The following PRIM1 variants were observed in gnomAD, a reference collection of about 807,000 sequenced individuals.
PRIM1 encodes the protein DNA primase small subunit.
A neutral mutation model predicts 60.2 loss-of-function variants in PRIM1; 38 were observed. The observed-to-expected ratio is 0.63, with a 90% CI of 0.49 to 0.83. The LOEUF (loss-of-function observed/expected upper bound fraction) is 0.83, where lower values mean the gene tolerates loss of function less well. Among genes scored for constraint, PRIM1 ranks in the 40% least tolerant of loss-of-function variants. PRIM1 has a pLI of 0.00. For synonymous variants in PRIM1, 158 were observed against 160.2 expected (o/e 0.99, Z 0.10); for missense variants, 388 against 506.2 (o/e 0.77, Z 2.24).
chr12:56,749,991 T>C (rs571378469), intron 2 of PRIM1, among the ~76,000 whole-genome samples: 7 of 152,246 alleles, frequency 4.6e-5, no homozygotes, highest in Admixed American at 4.6e-4. Flanking sequence ...CAGGTTTTAG[T>C]AGACCTCACT....
chr12:56,744,039 A>C, intron 6 of PRIM1, 26 bp downstream of exon 6: 1 of 1,517,578 alleles, frequency 6.6e-7, no homozygotes, highest in Non-Finnish European at 9.0e-7. Flanking sequence ...GACACCTTAA[A>C]GTGCTTGGAG....
At chr12:56,732,564 T>TAAGCCCAAAACC (rs1430479066) in intron 12 of PRIM1, among the ~76,000 whole-genome samples, 1 of 152,154 alleles carries the variant, frequency 6.6e-6, no homozygotes, top group Non-Finnish European at 1.5e-5. Flanking sequence ...AGCTTCCTAT[T>TAAGCCCAAAACC]AAGCCCAAAA....
At chr12:56,747,333 G>A (rs139600859) in intron 2 of PRIM1, among the ~76,000 whole-genome samples, 3 of 152,244 alleles carry the variant, frequency 2.0e-5, no homozygotes, top group Admixed American at 2.0e-4. Flanking sequence ...TACAAATAAT[G>A]GCCTATTGCA....
intron 6 of PRIM1, chr12:56,743,692 G>C (rs1391639594): frequency 5.6e-6 from 1 of 178,370 alleles, no homozygotes; most frequent in Admixed American, 5.9e-5. Flanking sequence ...CACTATCCTA[G>C]AGAAGTAGTG....
intron 2 of PRIM1, among the ~76,000 whole-genome samples, chr12:56,748,082 A>C (rs1953921016): frequency 6.6e-6 from 1 of 152,228 alleles, no homozygotes; most frequent in Non-Finnish European, 1.5e-5. Flanking sequence ...CTTAGCTTGC[A>C]GAGCTAGGTG....
intron 11 of PRIM1, among the ~76,000 whole-genome samples, chr12:56,734,778 T>TATATATATATATATATATA (rs1555228415): frequency 6.4e-5 from 9 of 140,286 alleles, no homozygotes; most frequent in African/African-American, 2.1e-4. Flanking sequence ...TCTTTTATAT[T>TATATATATATATATATATA]TATATATATA....
At chr12:56,751,274 G>GTT in intron 1 of PRIM1, 79 bp from the exon 2 acceptor site, 59 of 998,032 alleles carry the variant, frequency 5.9e-5, no homozygotes, top group South Asian at 1.2e-4. Flanking sequence ...CCAATGAGAA[G>GTT]TTTTTTTTTT....
rs201276969 is a variant in PRIM1 at position 56,746,945 on chromosome 12, C to A, written c.349G>T (p.Asp117Tyr). 2 of 1,613,758 alleles carry A rather than the reference C, an allele frequency of 1.2e-6. No homozygotes were observed. The highest frequency in any genetic ancestry group is 1.7e-6 in the Non-Finnish European group (2 of 1,179,720). ...GCTCACCTACAACATCTCCTCACAT[C>A]GTCATAGTCTGTCATGTCAATGTCA... ...VFDIDMTDYD[D>Y]VRRCCSSADI... The change falls in exon 3 of 13, where the codon GAT (aspartate) becomes TAT (tyrosine). Residue 117 changes from aspartate (D) to tyrosine (Y), a missense_variant. Physicochemically the swap from Asp to Tyr is radical, Grantham distance 160 (BLOSUM62 -3). Around this residue, in one of 3 missense-constraint regions of PRIM1, gnomAD observed 156 missense variants for 175.8 expected, o/e 0.89. Transcript: ENST00000338193.
chr12:56,751,404 C>A, intron 1 of PRIM1: 1 of 356,708 alleles, frequency 2.8e-6, no homozygotes, highest in Non-Finnish European at 5.1e-6. Context: ...CTCAGCCTCC[C>A]GAGGCTGTAG....
chr12:56,751,360 AC>A (rs903766212), intron 1 of PRIM1, 165 bp from the exon 2 acceptor site: 14 of 453,138 alleles, frequency 3.1e-5, no homozygotes, highest in Non-Finnish European at 4.2e-5. Context: ...GCTCACTGCA[AC>A]CTCCGCCTCC....
intron 2 of PRIM1, 40 bp downstream of exon 2, chr12:56,750,998 A>C (rs1195057033): frequency 7.6e-7 from 1 of 1,320,676 alleles, no homozygotes; most frequent in Non-Finnish European, 9.9e-7. Flanking sequence ...CTTGGTTTAC[A>C]AAATAAAACA....
At position 56,750,667 on chromosome 12, in the gene PRIM1, G is replaced by T. The variant is rs571735617; in HGVS notation, c.261+371C>A. ...TGCAATGGCGCGATCTTGGCTCACT[G>T]CAACCTCCACCTCCCGGGTTCAAGC... On this transcript the variant is annotated intron_variant, in intron 2 of 12. Coordinates refer to ENST00000338193, the MANE Select transcript of PRIM1 (RefSeq NM_000946.3). Among the ~76,000 whole-genome samples the T allele has an allele frequency of 4.0e-5, 6 of 149,402 alleles. No homozygotes were observed. In the East Asian group the frequency reaches 1.2e-3, roughly 29 times the overall value.
chr12:56,746,677 A>ACACACACACACAC, intron 4 of PRIM1, 104 bp downstream of exon 4: 1 of 284,642 alleles, frequency 3.5e-6, no homozygotes, highest in South Asian at 5.9e-5. Context: ...CACACACACA[A>ACACACACACACAC]ATTAATGAGA....
Position 56,739,316 on chromosome 12 carries a change from G to A in PRIM1, c.1030C>T (p.Pro344Ser), listed in dbSNP as rs368230125. 4.4e-6 allele frequency: 7 copies of A among 1,579,478 alleles called. No individual in the cohort carries two copies. Among genetic ancestry groups the A allele is most frequent in the Admixed American group, 1.7e-5 (1 of 57,860 alleles). The change falls in exon 10 of 13, where the codon CCA becomes TCA. Residue 344 changes from proline to serine, a missense_variant. Physicochemically the swap from Pro to Ser is moderately conservative, Grantham distance 74. Transcript: ENST00000338193. ...IDLQKVDQFD[P>S]FTVPTISFIC... Reference sequence around the variant, plus strand: ...TACCTTATGGTCGGAACAGTAAATGGATCAAACTGGTCCACTTTCTGCAAA... The same window carrying A: ...TACCTTATGGTCGGAACAGTAAATGAATCAAACTGGTCCACTTTCTGCAAA...
intron 12 of PRIM1, among the ~76,000 whole-genome samples, chr12:56,733,787 C>T (rs1290004679): frequency 6.6e-6 from 1 of 151,582 alleles, no homozygotes; most frequent in Non-Finnish European, 1.5e-5. Flanking sequence ...AACAGGGTTT[C>T]ACCATGTTGG....
chr12:56,741,906 T>C (rs749423901), intron 7 of PRIM1, 69 bp from the exon 8 acceptor site: 1 of 1,297,542 alleles, frequency 7.7e-7, no homozygotes, highest in Non-Finnish European at 1.1e-6. Context: ...AAGTATGTAT[T>C]ACCACAAGGG....
chr12:56,737,584 G>C (rs1056661082), intron 11 of PRIM1, among the ~76,000 whole-genome samples: 4 of 151,762 alleles, frequency 2.6e-5, no homozygotes, highest in Admixed American at 2.0e-4. Flanking sequence ...CAGGACCTCA[G>C]GTGATCAACC....
Position 56,733,454 on chromosome 12 carries a change from C to T in PRIM1, c.1243+693G>A, listed in dbSNP as rs145002377. On this transcript the variant is annotated intron_variant, in intron 12 of 12. Coordinates refer to ENST00000338193, the MANE Select transcript of PRIM1 (RefSeq NM_000946.3). ...GATTACAGGTGTGAGCCACTGCACC[C>T]GGCTAGGGATTAGAATTCTTACAGC... Among the ~76,000 whole-genome samples the T allele has an allele frequency of 7.9e-4, 117 of 148,150 alleles. 2 individuals carry two copies. Among genetic ancestry groups the T allele is most frequent in the Admixed American group, 6.2e-3 (94 of 15,080 alleles).
At chr12:56,750,215 C>A (rs1002723820) in intron 2 of PRIM1, among the ~76,000 whole-genome samples, 2 of 152,212 alleles carry the variant, frequency 1.3e-5, no homozygotes, top group Non-Finnish European at 2.9e-5. Flanking sequence ...AAAAGGATTA[C>A]TCTAGCTTCT....
Sources: allele counts gnomAD v4.1 joint callset (sites outside exome capture counted in the v4.1 genomes callset), GRCh38; gene constraint gnomAD v4.1.1; regional missense constraint gnomAD v4.1.1; transcripts MANE v1.5; gene names NCBI Gene and HGNC (gene_info 2026-07-23, HGNC 2026-07-21).